Variants in MAF observed in about 807,000 individuals in gnomAD.
The protein encoded by MAF is MAF bZIP transcription factor.
A neutral mutation model predicts 22.0 loss-of-function variants in MAF; 10 were observed. The ratio of observed to expected loss-of-function variants is 0.45; its 90% CI spans 0.28 to 0.77. The LOEUF (loss-of-function observed/expected upper bound fraction) is 0.77, where lower values mean the gene tolerates loss of function less well. MAF is among the 30% of genes least tolerant of loss of function. MAF has a pLI of 0.12. For missense variants in MAF, 544 were observed against 548.4 expected, an observed-to-expected ratio of 0.99 and a Z score of 0.08; for synonymous variants, 337 against 255.8, an observed-to-expected ratio of 1.32 and a Z score of -3.03.
chr16:79,496,009 A>G, the MAF span, among the ~76,000 whole-genome samples: 784 of 152,320 alleles, frequency 5.1e-3, 3 homozygotes, highest in African/African-American at 0.017. Context: ...CAGCTGACCC[A>G]TGAGATAACC....
chr16:79,323,258 G>C, the MAF span, among the ~76,000 whole-genome samples: 2 of 150,224 alleles, frequency 1.3e-5, no homozygotes, highest in Admixed American at 6.7e-5. Context: ...TCAACTGGAA[G>C]GGGGGATGAC....
chr16:79,534,489 G>A, the MAF span, among the ~76,000 whole-genome samples: 217 of 151,252 alleles, frequency 1.4e-3, no homozygotes, highest in Admixed American at 4.0e-3. Flanking sequence ...AATTACATGC[G>A]ATATCCTTTT....
the MAF span, among the ~76,000 whole-genome samples, chr16:79,556,237 C>A: frequency 6.6e-6 from 1 of 152,140 alleles, no homozygotes; most frequent in Non-Finnish European, 1.5e-5. Flanking sequence ...ATATCAAATA[C>A]CACTTACTTC....
chr16:79,522,878 G>T, the MAF span, among the ~76,000 whole-genome samples: 1 of 152,170 alleles, frequency 6.6e-6, no homozygotes, highest in African/African-American at 2.4e-5. Context: ...CCATGCAGTT[G>T]GAGAACTCAC....
the MAF span, among the ~76,000 whole-genome samples, chr16:79,513,037 T>C: frequency 6.6e-6 from 1 of 152,250 alleles, no homozygotes; most frequent in Non-Finnish European, 1.5e-5. Context: ...CTTTTCACCT[T>C]TTCCCACTGT....
At chr16:79,321,652 T>C in the MAF span, among the ~76,000 whole-genome samples, 1,622 of 137,164 alleles carry the variant, frequency 0.012, 23 homozygotes, top group African/African-American at 0.043. Context: ...TTTCTTTTTT[T>C]TTTTTTTTTT....
the MAF span, among the ~76,000 whole-genome samples, chr16:79,426,644 G>A: frequency 3.3e-5 from 5 of 152,168 alleles, no homozygotes; most frequent in African/African-American, 1.2e-4. Flanking sequence ...CAACATTGGT[G>A]AGTCCCCTGA....
chr16:79,471,892 T>C, the MAF span, among the ~76,000 whole-genome samples: 1 of 152,216 alleles, frequency 6.6e-6, no homozygotes, highest in African/African-American at 2.4e-5. Context: ...CCAGGTGATA[T>C]GAGTGACATC....
intron 1 of MAF, chr16:79,595,859 GA>G: frequency 9.4e-7 from 1 of 1,058,384 alleles, no homozygotes; most frequent in Non-Finnish European, 1.1e-6. Flanking sequence ...TATGTACTTG[GA>G]AATATGGAAG....
the MAF span, chr16:79,206,147 A>T: frequency 2.0e-5 from 3 of 152,202 alleles, no homozygotes; most frequent in Non-Finnish European, 2.9e-5. Flanking sequence ...ATCTCCTTTT[A>T]ACATTTCTCG....
At chr16:79,567,743 T>A in the MAF span, among the ~76,000 whole-genome samples, 1 of 152,246 alleles carries the variant, frequency 6.6e-6, no homozygotes, top group Admixed American at 6.5e-5. Context: ...AATAAGTAAA[T>A]CCCATCTACA....
the MAF span, among the ~76,000 whole-genome samples, chr16:79,579,929 C>T: frequency 1.3e-5 from 2 of 152,154 alleles, no homozygotes; most frequent in African/African-American, 4.8e-5. Context: ...ACCAGCCCAG[C>T]CTCCTACCAA....
the MAF span, among the ~76,000 whole-genome samples, chr16:79,550,609 A>C: frequency 1.3e-5 from 2 of 152,182 alleles, no homozygotes; most frequent in African/African-American, 4.8e-5. Flanking sequence ...CACCTGGCAG[A>C]CAGGATCATC....
chr16:79,268,934 G>A, the MAF span, among the ~76,000 whole-genome samples: 5 of 152,216 alleles, frequency 3.3e-5, no homozygotes, highest in African/African-American at 1.2e-4. Flanking sequence ...ATAAATGGGA[G>A]TAATGATCAG....
At chr16:79,339,284 C>T in the MAF span, among the ~76,000 whole-genome samples, 5,313 of 152,180 alleles carry the variant, frequency 0.035, 135 homozygotes, top group African/African-American at 0.057. Context: ...TGGTCTCGAT[C>T]TCCTGACCTC....
chr16:79,556,666 T>A, the MAF span, among the ~76,000 whole-genome samples: 194 of 152,350 alleles, frequency 1.3e-3, 1 homozygote, highest in African/African-American at 4.4e-3. Context: ...CTCTCTCTTA[T>A]TCTTCATCTT....
chr16:79,239,445 TA>T, the MAF span, among the ~76,000 whole-genome samples: 3 of 152,006 alleles, frequency 2.0e-5, no homozygotes, highest in Non-Finnish European at 4.4e-5. Flanking sequence ...GGATGGTTTG[TA>T]GGGAACAAAC....
the MAF span, among the ~76,000 whole-genome samples, chr16:79,560,153 C>A: frequency 6.6e-6 from 1 of 152,100 alleles, no homozygotes; most frequent in Non-Finnish European, 1.5e-5. Flanking sequence ...TCAAGCAATT[C>A]TCCTGCCTCG....
chr16:79,245,872 C>T, the MAF span, among the ~76,000 whole-genome samples: 4 of 152,002 alleles, frequency 2.6e-5, no homozygotes, highest in African/African-American at 7.2e-5. Context: ...GAATACTATG[C>T]AGCCATAAAA....
Sources: gnomAD v4.1 joint callset for allele counts (sites outside exome capture counted in the v4.1 genomes callset) on GRCh38, gnomAD v4.1.1 for gene constraint, MANE v1.5 for transcripts, NCBI Gene and HGNC (gene_info 2026-07-23, HGNC 2026-07-21) for gene names.